The following SPTA1 variants were observed in gnomAD, a reference collection of about 807,000 sequenced individuals.
SPTA1 encodes spectrin alpha chain, erythrocytic 1.
A neutral mutation model predicts 324.7 loss-of-function variants in SPTA1; 177 were observed. The ratio of observed to expected loss-of-function variants is 0.55; its 90% confidence interval spans 0.48 to 0.62. SPTA1 has a LOEUF of 0.62. SPTA1 is among the 20% of genes least tolerant of loss of function. The probability of loss-of-function intolerance (pLI) is 0.00; values close to 1 mark genes in which losing one functional copy is unlikely to be tolerated. For missense variants in SPTA1, 3,162 were observed against 2,883.6 expected (o/e 1.10, Z -2.21); for synonymous variants, 1,195 against 1,041.3 (o/e 1.15, Z -2.84).
intron 39 of SPTA1, among the ~76,000 whole-genome samples, chr1:158,634,305 G>C (rs1341561576): frequency 6.6e-6 from 1 of 152,214 alleles, no homozygotes; most frequent in African/African-American, 2.4e-5. Flanking sequence ...ACAGATCACA[G>C]ATTATGGAAT....
At position 158,662,918 on chromosome 1, in the gene SPTA1, C is replaced by A; in HGVS notation, c.2248G>T (p.Ala750Ser). Residue 750 changes from alanine to serine, a missense_variant, in exon 17 of 52, where the codon GCT becomes TCT. By Grantham distance (99) the Ala-to-Ser change is moderately conservative. Coordinates refer to ENST00000643759, the MANE Select transcript of SPTA1 (RefSeq NM_003126.4). Reference sequence around the variant, plus strand: ...TGGCCTATTTCTTCAAAATATGCAGCCAGGTCTGTAAGGATATCCACCTGA... The same window carrying A: ...TGGCCTATTTCTTCAAAATATGCAGACAGGTCTGTAAGGATATCCACCTGA... ...QDQVDILTDLAAYFEEIGHPD... is the reference protein window; with the variant it reads ...QDQVDILTDLSAYFEEIGHPD... 6.2e-7 allele frequency: 1 copy of A among 1,613,970 alleles called. No individual in the cohort carries two copies.
chr1:158,614,747 A>G (rs1438518163), intron 48 of SPTA1: 1 of 190,344 alleles, frequency 5.3e-6, no homozygotes, highest in African/African-American at 2.4e-5. Flanking sequence ...AAGTTTGCCA[A>G]TCCTAATCTA....
At chr1:158,639,510 C>A (rs17635857) in intron 35 of SPTA1, 72 bp downstream of exon 35, 4 of 1,500,552 alleles carry the variant, frequency 2.7e-6, no homozygotes, top group African/African-American at 2.8e-5. Flanking sequence ...AAATGGTCTC[C>A]TAACATGGGA....
At chr1:158,661,240 G>T in intron 18 of SPTA1, 47 bp downstream of exon 18, 2 of 1,613,430 alleles carry the variant, frequency 1.2e-6, no homozygotes, top group South Asian at 1.1e-5. Flanking sequence ...CTTCCCAGAG[G>T]TCTGGCCTGG....
At chr1:158,621,837 T>C (rs1649928320) in intron 43 of SPTA1, among the ~76,000 whole-genome samples, 1 of 152,186 alleles carries the variant, frequency 6.6e-6, no homozygotes, top group African/African-American at 2.4e-5. Flanking sequence ...CTAGGAGTGC[T>C]CAGTAATTCC....
chr1:158,639,718 C>T (rs776500318), intron 34 of SPTA1, 32 bp from the exon 35 acceptor site: 1 of 1,613,140 alleles, frequency 6.2e-7, no homozygotes. Flanking sequence ...ATAAAGCTGC[C>T]AGGTGAAACT....
At chr1:158,646,716 G>A (rs981503806) in intron 27 of SPTA1, among the ~76,000 whole-genome samples, 1 of 152,146 alleles carries the variant, frequency 6.6e-6, no homozygotes, top group African/African-American at 2.4e-5. Flanking sequence ...GCTTTCCAGT[G>A]CTGAACTGGG....
chr1:158,633,925 A>AT (rs1345298296), intron 39 of SPTA1, among the ~76,000 whole-genome samples: 1 of 152,144 alleles, frequency 6.6e-6, no homozygotes, highest in Non-Finnish European at 1.5e-5. Flanking sequence ...TTCTTGGTAA[A>AT]TTCCCAATTT....
Position 158,627,740 on chromosome 1 carries a change from G to T in SPTA1, c.5566-17C>A. 6.2e-7 allele frequency: 1 copy of T among 1,608,038 alleles called. No homozygotes were observed. On this transcript the variant is annotated splice_polypyrimidine_tract_variant and intron_variant, in intron 39 of 51. Transcript: ENST00000643759. ...TAGCAAGCTCTGCATAAATAAGTCG[G>T]TGAGAATTAAGATATCCAAAGCCGG...
Position 158,642,424 on chromosome 1 carries a change from T to C in SPTA1, c.4724A>G (p.Glu1575Gly). 6.2e-7 allele frequency: 1 copy of C among 1,613,474 alleles called. No homozygotes were observed. Among genetic ancestry groups the C allele is most frequent in the Non-Finnish European group, 8.5e-7 (1 of 1,179,568 alleles). The stretch of plus-strand genomic sequence containing the variant: ...CCTGAGCTTTACCTTCATGGCCTCT[T>C]CATTGCCATCACAAGCGCTACACTC... ...LIECSACDGNEEAMKEQLEQL... is the reference protein window; with the variant it reads ...LIECSACDGNGEAMKEQLEQL... The change falls in exon 33 of 52, where the codon GAA becomes GGA. Residue 1575 changes from glutamate (E) to glycine (G), a missense_variant. By Grantham distance (98) the Glu-to-Gly change is moderately conservative. Coordinates refer to ENST00000643759, the MANE Select transcript of SPTA1 (RefSeq NM_003126.4).
intron 42 of SPTA1, 84 bp downstream of exon 42, chr1:158,626,062 C>A: frequency 7.6e-7 from 1 of 1,307,778 alleles, no homozygotes; most frequent in Non-Finnish European, 1.1e-6. Flanking sequence ...CAATAAAATC[C>A]CAAAATTCAG....
rs1557960993 is a variant in SPTA1 at position 158,652,599 on chromosome 1, A to G, written c.3243T>C (p.Arg1081=). The G allele has an allele frequency of 6.2e-7, 1 of 1,614,150 alleles. No homozygotes were observed. The highest frequency in any genetic ancestry group is 1.7e-5 in the Admixed American group (1 of 60,014). ...CATAGGCCAATAAAAATTCATTATA[A>G]CGTTGCAATAGACGACGTCTGCGTT... ...AEERRRRLLQ[R]YNEFLLAYEA... The change falls in exon 23 of 52, where the codon CGT becomes CGC. Residue 1081 remains arginine (R), a synonymous_variant. Coordinates refer to ENST00000643759, the MANE Select transcript of SPTA1 (RefSeq NM_003126.4).
chr1:158,647,132 A>G (rs559244530), intron 27 of SPTA1, among the ~76,000 whole-genome samples: 2 of 152,262 alleles, frequency 1.3e-5, no homozygotes, highest in Admixed American at 1.3e-4. Flanking sequence ...AAGGTGTAAT[A>G]AAATGTTACT....
chr1:158,655,016 A>G (rs529173104), intron 20 of SPTA1, among the ~76,000 whole-genome samples: 1 of 152,328 alleles, frequency 6.6e-6, no homozygotes, highest in Admixed American at 6.5e-5. Context: ...GCTCTAAGCC[A>G]TCAGTTCTTA....
In SPTA1 at chr1:158,649,878, G is replaced by A. The variant is rs779576600; in HGVS notation, c.3547C>T (p.His1183Tyr). ...TACCTGTGAAACACTTCAACAGCAT[G>A]GGCACTGCCCAGCAGCTGCCGCTGT... ...DEQRQLLGSA[H>Y]AVEVFHREAD... The change falls in exon 25 of 52, where the codon CAT becomes TAT. Residue 1183 changes from histidine to tyrosine, a missense_variant. By Grantham distance (83) the His-to-Tyr change is moderately conservative (BLOSUM62 2). Coordinates refer to ENST00000643759, the MANE Select transcript of SPTA1 (RefSeq NM_003126.4). The A allele has an allele frequency of 1.9e-6, 3 of 1,613,574 alleles. No homozygotes were observed.
chr1:158,615,502 G>A, intron 47 of SPTA1, 99 bp from the exon 48 acceptor site: 1 of 1,196,052 alleles, frequency 8.4e-7, no homozygotes, highest in Non-Finnish European at 1.2e-6. Flanking sequence ...TTATTTTCAG[G>A]AATCTTCTTG....
Position 158,620,189 on chromosome 1 carries a change from T to G in SPTA1, c.6398A>C (p.His2133Pro), listed in dbSNP as rs1649815935. Residue 2133 changes from histidine to proline, a missense_variant, in exon 44 of 52, where the codon CAC becomes CCC. Coordinates refer to ENST00000643759, the MANE Select transcript of SPTA1 (RefSeq NM_003126.4). ...TVEVLERTWK[H>P]LSDIIEEREQ... ...GGTTACCTCAATGATGTCAGATAGG[T>G]GCTTCCAGGTCCTTTCCAGCACCTC... 6.2e-7 allele frequency: 1 copy of G among 1,614,154 alleles called. No homozygotes were observed. The highest frequency in any genetic ancestry group is 8.5e-7 in the Non-Finnish European group (1 of 1,180,016).
At chr1:158,620,026 T>C in intron 44 of SPTA1, 144 bp downstream of exon 44, 1 of 1,159,270 alleles carries the variant, frequency 8.6e-7, no homozygotes, top group Non-Finnish European at 1.3e-6. Flanking sequence ...TTTTCCAGTT[T>C]TTCTTAGACA....
At chr1:158,650,984 GA>G (rs1201135005) in intron 24 of SPTA1, among the ~76,000 whole-genome samples, 1 of 152,122 alleles carries the variant, frequency 6.6e-6, no homozygotes, top group Non-Finnish European at 1.5e-5. Flanking sequence ...ATACAGCTAT[GA>G]TGTAAATCTA....
Sources: gnomAD v4.1 joint callset for allele counts (sites outside exome capture counted in the v4.1 genomes callset) on GRCh38, gnomAD v4.1.1 for gene constraint, MANE v1.5 for transcripts, NCBI Gene and HGNC (gene_info 2026-07-23, HGNC 2026-07-21) for gene names.